MEIOC: variants seen among roughly 807,000 people sequenced by gnomAD.
The protein encoded by MEIOC is meiosis specific with coiled-coil domain, also known as meiosis-specific coiled-coil domain-containing protein MEIOC.
MEIOC carries 9 observed loss-of-function variants against 85.3 expected under a neutral mutation model. The ratio of observed to expected loss-of-function variants is 0.11; its 90% CI spans 0.06 to 0.18. The LOEUF is 0.18. Among genes scored for constraint, MEIOC ranks in the 10% least tolerant of loss-of-function variants. The pLI is 1.00. For missense variants in MEIOC, 898 were observed against 1,129.4 expected, an observed-to-expected ratio of 0.80 and a Z score of 2.94; for synonymous variants, 365 against 393.7, an observed-to-expected ratio of 0.93 and a Z score of 0.86.
At chr17:44,657,758 G>C (rs900411865) in intron 2 of MEIOC, among the ~76,000 whole-genome samples, 16 of 151,974 alleles carry the variant, frequency 1.1e-4, no homozygotes, top group African/African-American at 3.6e-4. Flanking sequence ...TCTCCATGTT[G>C]GTCAGGCTGG....
At chr17:44,670,138 C>G (rs981798809) in intron 6 of MEIOC, 2 of 151,632 alleles carry the variant, frequency 1.3e-5, no homozygotes, top group Admixed American at 1.3e-4. Flanking sequence ...GACATGGTGT[C>G]ACATGCTTAT....
chr17:44,667,240 G>C lies in MEIOC; in HGVS notation c.1329G>C (p.Gln443His). 1 of 1,613,784 alleles carries C rather than the reference G, an allele frequency of 6.2e-7. No individual in the cohort carries two copies. Among genetic ancestry groups the C allele is most frequent in the Non-Finnish European group, 8.5e-7 (1 of 1,179,868 alleles). ...TTGCTAACGTCACAGAAAAGCAACA[G>C]TTTGCTAAACCTGATCCCCCACATT... ...NDFANVTEKQ[Q>H]FAKPDPPHSE... Residue 443 changes from glutamine (Q) to histidine (H), a missense_variant, in exon 5 of 8, where the codon CAG becomes CAC. Gln to His is a conservative substitution (Grantham distance 24). Transcript: ENST00000409122.
At chr17:44,658,436 T>G (rs1179631641) in intron 2 of MEIOC, among the ~76,000 whole-genome samples, 1 of 150,562 alleles carries the variant, frequency 6.6e-6, no homozygotes, top group Non-Finnish European at 1.5e-5. Flanking sequence ...ATTACAGGCG[T>G]GAGCCACCGC....
chr17:44,663,677 G>A (rs200522787), intron 3 of MEIOC, among the ~76,000 whole-genome samples: 24 of 151,728 alleles, frequency 1.6e-4, no homozygotes, highest in South Asian at 4.2e-4. Flanking sequence ...TTCTCCCCCC[G>A]CCACCCAATA....
chr17:44,675,054 G>A lies in MEIOC; in HGVS notation c.*858G>A. The A allele has an allele frequency of 1.0e-6, 1 of 985,200 alleles. No homozygotes were observed. Among genetic ancestry groups the A allele is most frequent in the South Asian group, 4.7e-5 (1 of 21,284 alleles). The allele number at this position is 985,200 out of a possible 1,614,324, so 61.0% of individuals were successfully genotyped here. The stretch of plus-strand genomic sequence containing the variant: ...CCTTAGTTTGCTGCCTTTTATGAGG[G>A]TGTCACGAAGTTCTAAAATGTATTT... On this transcript the variant is annotated 3_prime_UTR_variant, in exon 8 of 8. Coordinates refer to ENST00000409122, the MANE Select transcript of MEIOC (RefSeq NM_001145080.3).
chr17:44,663,292 A>ATGT (rs1446382730), intron 3 of MEIOC, among the ~76,000 whole-genome samples: 2 of 151,578 alleles, frequency 1.3e-5, no homozygotes, highest in Non-Finnish European at 2.9e-5. Flanking sequence ...GATGATGATG[A>ATGT]TGATGATGAT....
chr17:44,671,427 A>G (rs1972007929), intron 6 of MEIOC, among the ~76,000 whole-genome samples: 1 of 151,842 alleles, frequency 6.6e-6, no homozygotes, highest in South Asian at 2.1e-4. Context: ...GCATGTGCCT[A>G]TAGTCCCAGC....
rs1971923132 is a variant in MEIOC, at chr17:44,667,316, G to A, written c.1405G>A (p.Gly469Arg). 7 of 1,613,722 alleles carry A rather than the reference G, an allele frequency of 4.3e-6. No homozygotes were observed. Among genetic ancestry groups the A allele is most frequent in the Non-Finnish European group, 5.9e-6 (7 of 1,179,792 alleles). ...ATTATCAAACTCAGCAACATCTTCA[G>A]GAGGTATCAATTTAAACAGACCAAC... ...NLLSNSATSS[G>R]GINLNRPTWM... Residue 469 changes from glycine (G) to arginine (R), a missense_variant, in exon 5 of 8, where the codon GGA becomes AGA. Gly to Arg is a moderately radical substitution (Grantham distance 125). Transcript: ENST00000409122.
intron 3 of MEIOC, 142 bp from the exon 4 acceptor site, chr17:44,665,242 T>G (rs953158636): frequency 5.2e-5 from 47 of 895,844 alleles, no homozygotes; most frequent in Middle Eastern, 8.2e-4. Context: ...AAGAAAATAT[T>G]CTTGAGTTCT....
Position 44,668,005 on chromosome 17 carries a change from T to G in MEIOC, c.2094T>G (p.His698Gln). 2 of 1,613,792 alleles carry G rather than the reference T, an allele frequency of 1.2e-6. No individual in the cohort carries two copies. Among genetic ancestry groups the G allele is most frequent in the Non-Finnish European group, 1.7e-6 (2 of 1,179,748 alleles). ...TAAGATCCACCCACCCATTTGGCCA[T>G]TCAGTTGTTCCACTGTTGGATTCCT... Reference protein sequence around the residue: ...FPLRSTHPFGHSVVPLLDSYD... With the variant: ...FPLRSTHPFGQSVVPLLDSYD... Residue 698 changes from histidine to glutamine, a missense_variant, in exon 5 of 8, where the codon CAT becomes CAG. His to Gln is a conservative substitution (Grantham distance 24, BLOSUM62 0). Coordinates refer to ENST00000409122, the MANE Select transcript of MEIOC (RefSeq NM_001145080.3).
intron 3 of MEIOC, among the ~76,000 whole-genome samples, chr17:44,662,822 TA>T (rs1481267978): frequency 2.0e-5 from 3 of 152,116 alleles, no homozygotes; most frequent in African/African-American, 7.2e-5. Flanking sequence ...CAGCTAACTT[TA>T]AAAAAATTTG....
At chr17:44,673,304 T>G in intron 6 of MEIOC, 62 bp from the exon 7 acceptor site, 1 of 1,245,896 alleles carries the variant, frequency 8.0e-7, no homozygotes. Context: ...TCACTGAAGA[T>G]TTGTTTTTAC....
intron 6 of MEIOC, chr17:44,670,778 A>G (rs1481356156): frequency 3.1e-5 from 2 of 64,770 alleles, no homozygotes; most frequent in Admixed American, 2.8e-4. Context: ...AGCTCAAGCA[A>G]TCCACCTGCC....
At chr17:44,666,051 C>T (rs1971898950) in intron 4 of MEIOC, among the ~76,000 whole-genome samples, 1 of 151,828 alleles carries the variant, frequency 6.6e-6, no homozygotes, top group East Asian at 1.9e-4. Flanking sequence ...ATGTAATAAC[C>T]TAAGCAAAGG....
downstream of MEIOC, among the ~76,000 whole-genome samples, chr17:44,676,639 G>A (rs1233835132): frequency 2.0e-5 from 3 of 152,002 alleles, no homozygotes; most frequent in East Asian, 1.9e-4. Context: ...TGGCTAACAC[G>A]GTGAAACCCC....
intron 5 of MEIOC, 110 bp downstream of exon 5, chr17:44,668,343 T>C: frequency 9.8e-7 from 1 of 1,024,708 alleles, no homozygotes; most frequent in Non-Finnish European, 1.4e-6. Flanking sequence ...TTTTGCTTTA[T>C]TTGTTGTTGT....
chr17:44,664,363 A>AAAAT lies in MEIOC; in HGVS notation c.360-1001_360-998dup, dbSNP rs750699976. 1.1e-3 allele frequency among the ~76,000 whole-genome samples: 162 copies of AAAAT among 152,202 alleles called. No individual in the cohort carries two copies. The Middle Eastern group carries it at 0.031, about 29-fold the overall frequency. On this transcript the variant is annotated intron_variant, in intron 3 of 7. Coordinates refer to ENST00000409122, the MANE Select transcript of MEIOC (RefSeq NM_001145080.3). ...GGGAACAGAGCGAGACTCCATCTCA[A>AAAAT]AAATAAATAAATAAATAAATAAACA... is the stretch of plus-strand genomic sequence containing the variant.
At position 44,675,591 on chromosome 17, in the gene MEIOC, G is replaced by GT; in HGVS notation, c.*1396dup. ...GAAGAAACTGATTGAGAATGCAAGA[G>GT]TAACTGTAGGGAGAAACATTTTGAT... On this transcript the variant is annotated 3_prime_UTR_variant, in exon 8 of 8. Coordinates refer to ENST00000409122, the MANE Select transcript of MEIOC (RefSeq NM_001145080.3). 1.0e-6 allele frequency: 1 copy of GT among 983,908 alleles called. No individual in the cohort carries two copies. Among genetic ancestry groups the GT allele is most frequent in the Non-Finnish European group, 1.2e-6 (1 of 828,724 alleles). The allele number at this position is 983,908 out of a possible 1,614,324, so 60.9% of individuals were successfully genotyped here.
At chr17:44,665,260 T>C in intron 3 of MEIOC, 124 bp from the exon 4 acceptor site, 1 of 878,760 alleles carries the variant, frequency 1.1e-6, no homozygotes, top group Non-Finnish European at 1.5e-6. Context: ...TCTAGTCTCT[T>C]CTTTATTTGA....
Sources: allele counts gnomAD v4.1 joint callset (sites outside exome capture counted in the v4.1 genomes callset), GRCh38; gene constraint gnomAD v4.1.1; transcripts MANE v1.5; gene names NCBI Gene and HGNC (gene_info 2026-07-23, HGNC 2026-07-21).